METTL16: variants seen among roughly 807,000 people sequenced by gnomAD.
METTL16 encodes the protein RNA N(6)-adenosine-methyltransferase METTL16.
Under a neutral mutation model 57.9 loss-of-function variants are expected in METTL16, and 19 were observed. The observed-to-expected ratio is 0.33, with a 90% CI of 0.23 to 0.48. The LOEUF (loss-of-function observed/expected upper bound fraction) is 0.48, where lower values mean the gene tolerates loss of function less well. METTL16 is among the 20% of genes least tolerant of loss of function. The pLI, the probability that METTL16 is intolerant of heterozygous loss-of-function variation, is 0.99. For synonymous variants in METTL16, 246 were observed against 255.6 expected (o/e 0.96, Z 0.36); for missense variants, 434 against 691.5 (o/e 0.63, Z 4.18).
Position 2,420,463 on chromosome 17 carries a change from G to C in METTL16, c.1196C>G (p.Pro399Arg). 6.2e-7 allele frequency: 1 copy of C among 1,614,028 alleles called. No homozygotes were observed. The highest frequency in any genetic ancestry group is 8.5e-7 in the Non-Finnish European group (1 of 1,179,980). Reference sequence around the variant, plus strand: ...TTCCAAGGCCTGAATGACGTCCTCAGGAGCTCGGGGAACTTCTCTCAGCTG... The same window carrying C: ...TTCCAAGGCCTGAATGACGTCCTCACGAGCTCGGGGAACTTCTCTCAGCTG... ...VRQLREVPRAPEDVIQALEEK... is the reference protein window; with the variant it reads ...VRQLREVPRAREDVIQALEEK... Residue 399 changes from proline (P) to arginine (R), a missense_variant, in exon 10 of 10, where the codon CCT becomes CGT. Pro to Arg is a moderately radical substitution (Grantham distance 103). Transcript: ENST00000263092. This position sits in a 1 kb window ranked among gnomAD's most constrained non-coding sequence, Gnocchi z 5.4.
chr17:2,496,002 C>G (rs1449674803), intron 2 of METTL16, among the ~76,000 whole-genome samples: 1 of 151,388 alleles, frequency 6.6e-6, no homozygotes, highest in Admixed American at 6.6e-5. Flanking sequence ...CCCAGCTACT[C>G]AGGAGGCTGA....
Position 2,420,234 on chromosome 17 carries a change from C to T in METTL16, c.1425G>A (p.Glu475=). ...DERSEEKGGV[E]VLESCQGSSN... ...TAGAGCCTTGACAACTTTCCAAAAC[C>T]TCCACCCCTCCCTTTTCCTCACTCC... Residue 475 remains glutamate (E), a synonymous_variant, in exon 10 of 10, where the codon GAG becomes GAA. Coordinates refer to ENST00000263092, the MANE Select transcript of METTL16 (RefSeq NM_024086.4). The surrounding 1 kb of genome is among the most constrained non-coding windows in gnomAD (Gnocchi z 5.4). 1 of 1,614,202 alleles carries T rather than the reference C, an allele frequency of 6.2e-7. No individual in the cohort carries two copies. Among genetic ancestry groups the T allele is most frequent in the Admixed American group, 1.7e-5 (1 of 60,032 alleles).
chr17:2,467,138 A>G (rs1197700313), intron 5 of METTL16, among the ~76,000 whole-genome samples: 2 of 152,078 alleles, frequency 1.3e-5, no homozygotes, highest in Non-Finnish European at 2.9e-5. Flanking sequence ...GGCTGAATCC[A>G]CGATGCGGAA....
intron 6 of METTL16, among the ~76,000 whole-genome samples, chr17:2,445,091 C>T (rs1345780893): frequency 6.6e-6 from 1 of 152,134 alleles, no homozygotes; most frequent in East Asian, 1.9e-4. Flanking sequence ...ACCTCGTGAT[C>T]CACCCACCTT....
intron 8 of METTL16, among the ~76,000 whole-genome samples, chr17:2,435,667 T>C (rs1448440836): frequency 1.3e-5 from 2 of 150,224 alleles, no homozygotes; most frequent in African/African-American, 4.9e-5. Context: ...GGGGCTGGGG[T>C]AGTGGTGGGG....
At chr17:2,491,213 C>T (rs896239789) in intron 2 of METTL16, among the ~76,000 whole-genome samples, 2 of 152,146 alleles carry the variant, frequency 1.3e-5, no homozygotes, top group African/African-American at 2.4e-5. Flanking sequence ...TTAGCTCTCA[C>T]GTGAAAATCA....
At chr17:2,500,572 G>T (rs1035083633) in intron 2 of METTL16, among the ~76,000 whole-genome samples, 10 of 151,966 alleles carry the variant, frequency 6.6e-5, no homozygotes, top group African/African-American at 9.7e-5. Flanking sequence ...GTGAGCCACC[G>T]CGCCCGGCCA....
intron 8 of METTL16, among the ~76,000 whole-genome samples, chr17:2,428,691 G>C (rs2066844993): frequency 6.9e-6 from 1 of 145,592 alleles, no homozygotes; most frequent in South Asian, 2.2e-4. Flanking sequence ...GAGCCCAGGA[G>C]TTCGAGACCA....
At chr17:2,431,852 G>A (rs186111857) in intron 8 of METTL16, among the ~76,000 whole-genome samples, 34 of 152,094 alleles carry the variant, frequency 2.2e-4, no homozygotes, top group African/African-American at 8.0e-4. Context: ...AAATAACAAC[G>A]GAGCAAGAGA....
At chr17:2,468,899 T>A (rs143735609) in intron 4 of METTL16, among the ~76,000 whole-genome samples, 57 of 146,250 alleles carry the variant, frequency 3.9e-4, no homozygotes, top group African/African-American at 1.4e-3. Flanking sequence ...AATAAAAAAA[T>A]GTTTTTTTTT....
Position 2,493,129 on chromosome 17 carries a change from C to CTTT in METTL16, c.128+9072_128+9074dup, listed in dbSNP as rs764351584. Among the ~76,000 whole-genome samples the CTTT allele has an allele frequency of 5.6e-3, 749 of 132,842 alleles. 8 individuals carry two copies. Among genetic ancestry groups the CTTT allele is most frequent in the East Asian group, 0.013 (59 of 4,372 alleles). 87.1% of individuals were successfully genotyped at this position (132,842 alleles called of 152,430 possible). The stretch of plus-strand genomic sequence containing the variant: ...TTGAGTTTATATTTTGGTGATTCTT[C>CTTT]TTTTTTTTTTTTTTTTTGAGACAAT... On this transcript the variant is annotated intron_variant, in intron 2 of 9. Coordinates refer to ENST00000263092, the MANE Select transcript of METTL16 (RefSeq NM_024086.4).
chr17:2,503,793 A>G (rs1235501711), intron 1 of METTL16, among the ~76,000 whole-genome samples: 1 of 152,126 alleles, frequency 6.6e-6, no homozygotes, highest in Non-Finnish European at 1.5e-5. Context: ...TGGTATATCC[A>G]TACAGTAAAT....
At chr17:2,478,019 C>A in intron 2 of METTL16, 134 bp from the exon 3 acceptor site, 1 of 663,698 alleles carries the variant, frequency 1.5e-6, no homozygotes, top group South Asian at 1.9e-5. Context: ...ACAGAGCACT[C>A]ATCCCAGTGG....
rs2066746714 is a variant in METTL16, at chr17:2,419,828, G to A, written c.*142C>T. ...GCGGGAAGGAGGCGGGGGGAGGTGG[G>A]GGACAGATTCATAGGTTTTTGTTTT... On this transcript the variant is annotated 3_prime_UTR_variant, in exon 10 of 10. Transcript: ENST00000263092. 2 of 1,015,334 alleles carry A rather than the reference G, an allele frequency of 2.0e-6. No homozygotes were observed. Among genetic ancestry groups the A allele is most frequent in the African/African-American group, 1.6e-5 (1 of 62,522 alleles). The allele number at this position is 1,015,334 out of a possible 1,614,324, so 62.9% of individuals were successfully genotyped here. A position where few individuals can be genotyped will look rare whatever the true frequency, so the allele number is the denominator to read the frequency against.
intron 8 of METTL16, among the ~76,000 whole-genome samples, chr17:2,430,688 G>A (rs2066867398): frequency 6.6e-6 from 1 of 151,870 alleles, no homozygotes; most frequent in African/African-American, 2.4e-5. Flanking sequence ...AAAGTGCTGG[G>A]ATTACAGGCG....
At chr17:2,433,765 C>T (rs1279985993) in intron 8 of METTL16, among the ~76,000 whole-genome samples, 1 of 152,244 alleles carries the variant, frequency 6.6e-6, no homozygotes, top group Non-Finnish European at 1.5e-5. Flanking sequence ...CACGATGTTG[C>T]TCTTTAACGC....
chr17:2,497,787 C>T lies in METTL16; in HGVS notation c.128+4417G>A, dbSNP rs369004334. Among the ~76,000 whole-genome samples the T allele has an allele frequency of 1.5e-4, 22 of 150,300 alleles. No individual in the cohort carries two copies. The East Asian group carries it at 1.6e-3, about 11-fold the overall frequency. On this transcript the variant is annotated intron_variant, in intron 2 of 9. Transcript: ENST00000263092. ...TGTTGCCTAGGCTGGAGTGCAGTGGCGCGATCATGGTTCACTGCAGCCTTG... is the reference window on the plus strand; with the variant it reads ...TGTTGCCTAGGCTGGAGTGCAGTGGTGCGATCATGGTTCACTGCAGCCTTG...
intron 6 of METTL16, among the ~76,000 whole-genome samples, chr17:2,451,630 A>AAAAAG (rs201595625): frequency 2.6e-5 from 4 of 151,898 alleles, no homozygotes; most frequent in East Asian, 3.9e-4. Context: ...CCAAAAAAAA[A>AAAAAG]AAAAGAAAAG....
At chr17:2,442,634 T>C (rs914694714) in intron 6 of METTL16, among the ~76,000 whole-genome samples, 1 of 152,094 alleles carries the variant, frequency 6.6e-6, no homozygotes, top group African/African-American at 2.4e-5. Flanking sequence ...ACTCTCAGTA[T>C]CAGAACTGAA....
Sources: gnomAD v4.1 joint callset for allele counts (sites outside exome capture counted in the v4.1 genomes callset) on GRCh38, gnomAD v4.1.1 for gene constraint, Gnocchi (gnomAD v3.1) non-coding constraint, MANE v1.5 for transcripts, NCBI Gene and HGNC (gene_info 2026-07-23, HGNC 2026-07-21) for gene names.